The following CC2D2A variants were observed in gnomAD, a reference collection of about 807,000 sequenced individuals.
CC2D2A encodes the protein coiled-coil and C2 domain containing 2A.
Under a neutral mutation model 212.9 loss-of-function variants are expected in CC2D2A, and 155 were observed. That is an observed-to-expected ratio of 0.73 (90% CI 0.64 to 0.83). CC2D2A has a LOEUF of 0.83. Ranked by LOEUF, CC2D2A falls within the 40% of genes least tolerant of loss-of-function variation. The probability of loss-of-function intolerance (pLI) is 0.00; values close to 1 mark genes in which losing one functional copy is unlikely to be tolerated. For synonymous variants in CC2D2A, 667 were observed against 686.5 expected, an observed-to-expected ratio of 0.97 and a Z score of 0.44; for missense variants, 1,856 against 1,956.2, an observed-to-expected ratio of 0.95 and a Z score of 0.97.
At chr4:15,485,149 G>A (rs376578807) in intron 4 of CC2D2A, among the ~76,000 whole-genome samples, 60 of 152,322 alleles carry the variant, frequency 3.9e-4, no homozygotes, top group African/African-American at 1.4e-3. Flanking sequence ...ACAGGGTCCT[G>A]CCTCTGGTAA....
intron 24 of CC2D2A, among the ~76,000 whole-genome samples, chr4:15,564,492 T>C (rs541049875): frequency 6.6e-6 from 1 of 152,276 alleles, no homozygotes; most frequent in African/African-American, 2.4e-5. Context: ...CTGTTACTGC[T>C]ATTACTATCT....
chr4:15,480,311 T>C (rs1714544983), intron 3 of CC2D2A, among the ~76,000 whole-genome samples: 1 of 152,116 alleles, frequency 6.6e-6, no homozygotes, highest in Non-Finnish European at 1.5e-5. Context: ...TTGGGGGGTG[T>C]CCAAAGGGTG....
rs935980017 is a variant in CC2D2A at position 15,493,281 on chromosome 4, C to T, written c.248-9148C>T. On this transcript the variant is annotated intron_variant, in intron 4 of 36. Transcript: ENST00000424120. ...ATTTATTTATTTATTTACTTACTTACTTACTGAGACAAGGTCTGGCTCTGT... is the reference window on the plus strand; with the variant it reads ...ATTTATTTATTTATTTACTTACTTATTTACTGAGACAAGGTCTGGCTCTGT... 2.7e-5 allele frequency among the ~76,000 whole-genome samples: 4 copies of T among 147,726 alleles called. No homozygotes were observed. The East Asian group carries it at 8.1e-4, about 30-fold the overall frequency.
chr4:15,511,434 T>C lies in CC2D2A; in HGVS notation c.717+11T>C, dbSNP rs184351317. On this transcript the variant is annotated intron_variant, in intron 8 of 36. Coordinates refer to ENST00000424120, the MANE Select transcript of CC2D2A (RefSeq NM_001378615.1). ...GGAGGAAAGGAAATGGTATTTAATA[T>C]CAGGATGGTAATGAGGTGTGGGTGG... 138 of 1,524,250 alleles carry C rather than the reference T, an allele frequency of 9.1e-5. No individual in the cohort carries two copies. In the East Asian group the frequency reaches 2.4e-3, roughly 27 times the overall value. 94.4% of individuals were successfully genotyped at this position (1,524,250 alleles called of 1,614,324 possible).
At chr4:15,597,274 T>C (rs1193448513) in intron 34 of CC2D2A, 133 bp from the exon 35 acceptor site, 1 of 703,168 alleles carries the variant, frequency 1.4e-6, no homozygotes, top group Non-Finnish European at 2.5e-6. Flanking sequence ...GGGTCATGGG[T>C]ACATCAGCAT....
intron 32 of CC2D2A, among the ~76,000 whole-genome samples, chr4:15,589,072 T>TTAA: frequency 6.6e-6 from 1 of 152,092 alleles, no homozygotes; most frequent in South Asian, 2.1e-4. Context: ...ACAGTCATTC[T>TTAA]TAACTGTTTG....
intron 6 of CC2D2A, among the ~76,000 whole-genome samples, chr4:15,505,545 G>C (rs4698113): frequency 0.16 from 23,603 of 152,090 alleles, 2,262 homozygotes; most frequent in East Asian, 0.35. Flanking sequence ...CCCTTGAGGA[G>C]CTCAGTGGAG....
At chr4:15,544,130 A>G (rs1718594720) in intron 17 of CC2D2A, among the ~76,000 whole-genome samples, 1 of 152,132 alleles carries the variant, frequency 6.6e-6, no homozygotes, top group Non-Finnish European at 1.5e-5. Flanking sequence ...CCCTGAACAC[A>G]TTCACTTAAA....
At chr4:15,570,716 C>T (rs1312293705) in intron 28 of CC2D2A, among the ~76,000 whole-genome samples, 1 of 151,984 alleles carries the variant, frequency 6.6e-6, no homozygotes, top group Admixed American at 6.6e-5. Context: ...ATTAGCCGGG[C>T]GTGGTGGTGC....
intron 33 of CC2D2A, 114 bp from the exon 34 acceptor site, chr4:15,595,971 A>G (rs2148493369): frequency 4.7e-6 from 3 of 634,924 alleles, no homozygotes; most frequent in Non-Finnish European, 7.3e-6. Context: ...TATGCGGCCT[A>G]TATGAACACT....
intron 33 of CC2D2A, among the ~76,000 whole-genome samples, chr4:15,592,314 T>TC (rs1721144756): frequency 6.6e-6 from 1 of 152,170 alleles, no homozygotes; most frequent in Non-Finnish European, 1.5e-5. Flanking sequence ...TTCCCTTTCC[T>TC]CCCCAAGTTC....
intron 23 of CC2D2A, among the ~76,000 whole-genome samples, chr4:15,563,054 A>C (rs1719691942): frequency 6.6e-6 from 1 of 152,218 alleles, no homozygotes; most frequent in Non-Finnish European, 1.5e-5. Flanking sequence ...GAAGGATGGG[A>C]GACCATAGGC....
chr4:15,509,703 G>T (rs73235024), intron 6 of CC2D2A, among the ~76,000 whole-genome samples: 23,171 of 152,134 alleles, frequency 0.15, 2,108 homozygotes, highest in East Asian at 0.34. Flanking sequence ...TAGTGATGGG[G>T]ATATGTTCTG....
chr4:15,484,649 A>T (rs961349518), intron 4 of CC2D2A, among the ~76,000 whole-genome samples: 1 of 152,318 alleles, frequency 6.6e-6, no homozygotes, highest in East Asian at 1.9e-4. Context: ...TCTCGATTGA[A>T]CAAGAATTAT....
At position 15,516,698 on chromosome 4, in the gene CC2D2A, C is replaced by T. The variant is rs768618373; in HGVS notation, c.1091C>T (p.Pro364Leu). The change falls in exon 11 of 37, where the codon CCG (proline) becomes CTG (leucine). Residue 364 changes from proline (P) to leucine (L), a missense_variant. By Grantham distance (98) the Pro-to-Leu change is moderately conservative (BLOSUM62 -3). This residue lies in a region of CC2D2A where 1,512 missense variants were observed against 1,579.3 expected (regional missense o/e 0.96). Coordinates refer to ENST00000424120, the MANE Select transcript of CC2D2A (RefSeq NM_001378615.1). ...PNPIKPFPSR[P>L]PVLTQEQSIK... ...CCCATCAAGCCATTTCCTTCAAGGC[C>T]GCCAGTACTAACACAGGAGCAGAGC... 32 of 1,613,230 alleles carry T rather than the reference C, an allele frequency of 2.0e-5. No homozygotes were observed. The East Asian group carries it at 2.7e-4, about 13-fold the overall frequency.
rs751646059 is a variant in CC2D2A at position 15,533,272 on chromosome 4, A to G, written c.1546A>G (p.Met516Val). The G allele has an allele frequency of 2.7e-5, 43 of 1,601,724 alleles. No individual in the cohort carries two copies. In the Admixed American group the frequency reaches 7.3e-4, roughly 27 times the overall value. ...LKTIIKVWKE[M>V]KSLREFQRFT... ...GACTATCATAAAAGTTTGGAAAGAGATGAAATCCCTTCGAGAGTTCCAGAG... is the reference window on the plus strand; with the variant it reads ...GACTATCATAAAAGTTTGGAAAGAGGTGAAATCCCTTCGAGAGTTCCAGAG... Residue 516 changes from methionine (M) to valine (V), a missense_variant, in exon 14 of 37, where the codon ATG (methionine) becomes GTG (valine). Coordinates refer to ENST00000424120, the MANE Select transcript of CC2D2A (RefSeq NM_001378615.1).
intron 29 of CC2D2A, among the ~76,000 whole-genome samples, chr4:15,574,959 T>C (rs191771709): frequency 8.5e-5 from 13 of 152,394 alleles, no homozygotes; most frequent in Admixed American, 2.6e-4. Flanking sequence ...GTGGGAGTTA[T>C]TTATATCCTA....
At chr4:15,557,641 T>A in intron 21 of CC2D2A, 134 bp downstream of exon 21, 1 of 551,042 alleles carries the variant, frequency 1.8e-6, no homozygotes. Context: ...TTCACTTTTA[T>A]ACATAACCTT....
At chr4:15,531,648 TC>T (rs1302924693) in intron 13 of CC2D2A, among the ~76,000 whole-genome samples, 1 of 152,100 alleles carries the variant, frequency 6.6e-6, no homozygotes, top group Admixed American at 6.6e-5. Context: ...CTTTCCCTCT[TC>T]CTCCCCAGCT....
Sources: allele counts gnomAD v4.1 joint callset (sites outside exome capture counted in the v4.1 genomes callset), GRCh38; gene constraint gnomAD v4.1.1; regional missense constraint gnomAD v4.1.1; transcripts MANE v1.5; gene names NCBI Gene and HGNC (gene_info 2026-07-23, HGNC 2026-07-21).